The following EVC variants were observed in gnomAD, a reference collection of about 807,000 sequenced individuals.
The protein encoded by EVC is EvC ciliary complex subunit 1.
A neutral mutation model predicts 118.9 loss-of-function variants in EVC; 116 were observed. That is an observed-to-expected ratio of 0.98 (90% CI 0.84 to 1.14). The LOEUF (loss-of-function observed/expected upper bound fraction) is 1.14, where lower values mean the gene tolerates loss of function less well. Ranked by LOEUF, EVC falls within the 50% of genes most tolerant of loss-of-function variation. The probability of loss-of-function intolerance (pLI) is 0.00; values close to 1 mark genes in which losing one functional copy is unlikely to be tolerated. For missense variants in EVC, 1,401 were observed against 1,246.4 expected, an observed-to-expected ratio of 1.12 and a Z score of -1.87; for synonymous variants, 619 against 534.7, an observed-to-expected ratio of 1.16 and a Z score of -2.18.
At position 5,813,467 on chromosome 4, in the gene EVC, C is replaced by G. The variant is rs1220868205; in HGVS notation, c.*2430C>G. The G allele has an allele frequency of 1.3e-5, 2 of 152,202 alleles. No individual in the cohort carries two copies. The highest frequency in any genetic ancestry group is 2.9e-5 in the Non-Finnish European group (2 of 68,046). 9.4% of individuals were successfully genotyped at this position (152,202 alleles called of 1,614,324 possible). A position where few individuals can be genotyped will look rare whatever the true frequency, so the allele number is the denominator to read the frequency against. On this transcript the variant is annotated 3_prime_UTR_variant, in exon 21 of 21. Coordinates refer to ENST00000264956, the MANE Select transcript of EVC (RefSeq NM_153717.3). ...TCATCGTCCACCTGCCTCGGCCTCC[C>G]CAAAGTGCTGAGATTAGGCGTTAGC...
At chr4:5,783,865 T>G in intron 12 of EVC, 101 bp downstream of exon 12, 1 of 1,112,962 alleles carries the variant, frequency 9.0e-7, no homozygotes, top group Non-Finnish European at 1.3e-6. Context: ...GTGCCTATTG[T>G]AGGTGCTCTA....
At chr4:5,804,988 C>T in intron 17 of EVC, 147 bp downstream of exon 17, 1 of 722,556 alleles carries the variant, frequency 1.4e-6, no homozygotes, top group African/African-American at 1.7e-5. Context: ...TGCCTCTGTC[C>T]TGGTCTCTGC....
chr4:5,753,096 C>T (rs1560341219), intron 9 of EVC, 44 bp downstream of exon 9: 1 of 1,516,658 alleles, frequency 6.6e-7, no homozygotes, highest in African/African-American at 1.4e-5. Flanking sequence ...CACTGGCCTT[C>T]TGGGTCCCTG....
At chr4:5,770,770 G>T (rs1014691211) in intron 11 of EVC, among the ~76,000 whole-genome samples, 1 of 152,118 alleles carries the variant, frequency 6.6e-6, no homozygotes, top group African/African-American at 2.4e-5. Context: ...CAGCACTTTG[G>T]GAGGCCGAGG....
chr4:5,721,970 A>C (rs1371937347), intron 2 of EVC, among the ~76,000 whole-genome samples: 1 of 152,190 alleles, frequency 6.6e-6, no homozygotes. Flanking sequence ...GTGTGAATTA[A>C]ATCTCAATAA....
chr4:5,782,132 C>T (rs773813361), intron 11 of EVC, among the ~76,000 whole-genome samples: 1 of 152,082 alleles, frequency 6.6e-6, no homozygotes, highest in Non-Finnish European at 1.5e-5. Context: ...AGTTGGAGTG[C>T]AGTGACACAA....
intron 13 of EVC, among the ~76,000 whole-genome samples, chr4:5,794,325 T>TTATA (rs773787950): frequency 0.069 from 9,313 of 135,164 alleles, 471 homozygotes; most frequent in South Asian, 0.13. Context: ...TTATATATAT[T>TTATA]TATATATATT....
In EVC at chr4:5,733,435, G is replaced by A. The variant is rs190661824; in HGVS notation, c.702G>A (p.Met234Ile). 1.1e-5 allele frequency: 18 copies of A among 1,613,550 alleles called. No individual in the cohort carries two copies. In the South Asian group the frequency reaches 1.3e-4, roughly 12 times the overall value. Residue 234 changes from methionine (M) to isoleucine (I), a missense_variant and splice_region_variant, in exon 5 of 21, where the codon ATG (methionine) becomes ATA (isoleucine). Coordinates refer to ENST00000264956, the MANE Select transcript of EVC (RefSeq NM_153717.3). Reference sequence around the variant, plus strand: ...CGGCACTGAGGCAGGAAAAGCATATGGTAGGTGGAGATGTTCGCATTCCCT... The same window carrying A: ...CGGCACTGAGGCAGGAAAAGCATATAGTAGGTGGAGATGTTCGCATTCCCT... ...LDTALRQEKH[M>I]MFIQIFKMCL...
At position 5,750,286 on chromosome 4, in the gene EVC, A is replaced by G. The variant is rs141108412; in HGVS notation, c.1098+1980A>G. 4.5e-3 allele frequency among the ~76,000 whole-genome samples: 689 copies of G among 152,302 alleles called. 2 individuals carry two copies. The highest frequency in any genetic ancestry group is 6.6e-3 in the South Asian group (32 of 4,822). ...GCAAAGGTGAAAGACTTTTCTTCCT[A>G]TATTTTTTTCTTTTGCTATCAGCAG... On this transcript the variant is annotated intron_variant, in intron 8 of 20. Transcript: ENST00000264956.
intron 2 of EVC, among the ~76,000 whole-genome samples, chr4:5,728,538 C>T (rs1026899103): frequency 4.5e-4 from 69 of 152,218 alleles, no homozygotes; most frequent in African/African-American, 1.6e-3. Context: ...ATTTGACTTC[C>T]TCTTTTCCTA....
At chr4:5,824,156 A>G in the EVC span, 1 of 242,402 alleles carries the variant, frequency 4.1e-6, no homozygotes, top group Non-Finnish European at 6.6e-6. Context: ...GCAATTGTGC[A>G]GTGTTTAATT....
chr4:5,825,898 C>G, the EVC span: 1 of 523,890 alleles, frequency 1.9e-6, no homozygotes, highest in Non-Finnish European at 3.3e-6. This position sits in a 1 kb window ranked among gnomAD's most constrained non-coding sequence, Gnocchi z 4.4. Flanking sequence ...CATACACATA[C>G]AGACGCACAC....
chr4:5,765,846 ACT>A (rs1326175957), intron 11 of EVC, among the ~76,000 whole-genome samples: 3 of 149,986 alleles, frequency 2.0e-5, no homozygotes, highest in Non-Finnish European at 4.4e-5. Context: ...ATGGGTCTTG[ACT>A]CTTCATCCAG....
At chr4:5,745,407 T>C in intron 7 of EVC, 66 bp downstream of exon 7, 1 of 1,524,122 alleles carries the variant, frequency 6.6e-7, no homozygotes, top group Non-Finnish European at 9.1e-7. Flanking sequence ...TTGGCTACAT[T>C]AGAGAGATGA....
At chr4:5,780,937 A>G (rs920032250) in intron 11 of EVC, among the ~76,000 whole-genome samples, 13 of 152,234 alleles carry the variant, frequency 8.5e-5, no homozygotes, top group African/African-American at 3.1e-4. Context: ...GTCACACAGG[A>G]TGCACTTAAT....
intron 13 of EVC, 94 bp from the exon 14 acceptor site, chr4:5,796,928 G>A (rs1186453511): frequency 1.1e-6 from 1 of 932,800 alleles, no homozygotes; most frequent in Non-Finnish European, 1.8e-6. Flanking sequence ...CCTTTTGGAG[G>A]GGCCTCTTGT....
At chr4:5,819,139 G>C (rs931526263), downstream of EVC, among the ~76,000 whole-genome samples, 1 of 152,184 alleles carries the variant, frequency 6.6e-6, no homozygotes, top group Non-Finnish European at 1.5e-5. Context: ...TGTACATAAA[G>C]ATTATTGAGA....
At chr4:5,744,037 AGCATGTTAATTATAATAGTG>A (rs1382748718) in intron 6 of EVC, among the ~76,000 whole-genome samples, 1 of 152,242 alleles carries the variant, frequency 6.6e-6, no homozygotes, top group Non-Finnish European at 1.5e-5. Context: ...AACTTAAGCA[AGCATGTTAATTATAATAGTG>A]GCTACTATTT....
At chr4:5,825,982 T>G in the EVC span, 2 of 376,762 alleles carry the variant, frequency 5.3e-6, no homozygotes, top group Middle Eastern at 7.0e-4. This position sits in a 1 kb window ranked among gnomAD's most constrained non-coding sequence, Gnocchi z 4.4. Context: ...AAAACAGGCC[T>G]ACACAGTAGC....
Sources: gnomAD v4.1 joint callset for allele counts (sites outside exome capture counted in the v4.1 genomes callset) on GRCh38, gnomAD v4.1.1 for gene constraint, Gnocchi (gnomAD v3.1) non-coding constraint, MANE v1.5 for transcripts, NCBI Gene and HGNC (gene_info 2026-07-23, HGNC 2026-07-21) for gene names.